SNAP47: variants seen among roughly 807,000 people sequenced by gnomAD.
SNAP47 encodes the protein synaptosomal-associated protein 47.
In SNAP47, 20 loss-of-function variants were observed where a neutral mutation model predicts 31.4. The observed-to-expected ratio is 0.64, with a 90% CI of 0.45 to 0.93. SNAP47 has a LOEUF of 0.93. SNAP47 is among the 40% of genes least tolerant of loss of function. SNAP47 has a pLI of 0.00. For synonymous variants in SNAP47, 194 were observed against 213.4 expected, an observed-to-expected ratio of 0.91 and a Z score of 0.79; for missense variants, 492 against 528.5, an observed-to-expected ratio of 0.93 and a Z score of 0.68.
chr1:227,757,445 C>G (rs1225952562), intron 2 of SNAP47, among the ~76,000 whole-genome samples: 1 of 152,230 alleles, frequency 6.6e-6, no homozygotes, highest in East Asian at 1.9e-4. Context: ...GGAGTGCTCA[C>G]TCATCTACCT....
intron 4 of SNAP47, among the ~76,000 whole-genome samples, chr1:227,780,095 A>G (rs1023426740): frequency 3.9e-5 from 6 of 152,184 alleles, no homozygotes; most frequent in African/African-American, 1.4e-4. Context: ...ACATGCAGAC[A>G]GGTCTCACCC....
Position 227,757,041 on chromosome 1 carries a change from C to T in SNAP47, c.498-1954C>T, listed in dbSNP as rs1459588228. 2.0e-5 allele frequency among the ~76,000 whole-genome samples: 3 copies of T among 151,152 alleles called. No homozygotes were observed. The East Asian group carries it at 5.8e-4, about 29-fold the overall frequency. On this transcript the variant is annotated intron_variant, in intron 2 of 4. Transcript: ENST00000617596. ...GAGGGACGTCTCAGATGTGGAAGTT[C>T]AATTCCCTTAGTCTCTCTAGGAATT...
intron 3 of SNAP47, among the ~76,000 whole-genome samples, chr1:227,761,140 T>A (rs1280619747): frequency 6.6e-6 from 1 of 152,250 alleles, no homozygotes; most frequent in Non-Finnish European, 1.5e-5. Flanking sequence ...GGATTTTAAA[T>A]GCCAGGTGTC....
chr1:227,760,588 G>A (rs567708359), intron 3 of SNAP47, among the ~76,000 whole-genome samples: 96 of 152,344 alleles, frequency 6.3e-4, no homozygotes, highest in Middle Eastern at 3.4e-3. Flanking sequence ...GCACAGGACC[G>A]AGGCTTATGT....
rs115599181 is a variant in SNAP47, at chr1:227,751,383, C to G, written c.497+3150C>G. 8.9e-3 allele frequency among the ~76,000 whole-genome samples: 1,353 copies of G among 152,324 alleles called. 16 individuals are homozygous for G. Among genetic ancestry groups the G allele is most frequent in the African/African-American group, 0.031 (1,276 of 41,570 alleles). On this transcript the variant is annotated intron_variant, in intron 2 of 4. Coordinates refer to ENST00000617596, the MANE Select transcript of SNAP47 (RefSeq NM_053052.4). Reference sequence around the variant, plus strand: ...GTGCACTCTCAGCTGATCCTCAGCACCCCCATTCTTGTGTGCTGAGGAGCA... The same window carrying G: ...GTGCACTCTCAGCTGATCCTCAGCAGCCCCATTCTTGTGTGCTGAGGAGCA...
chr1:227,739,282 C>G (rs1241975793), intron 1 of SNAP47, among the ~76,000 whole-genome samples: 6 of 152,220 alleles, frequency 3.9e-5, no homozygotes, highest in Non-Finnish European at 7.3e-5. Flanking sequence ...ACCTCAGCCT[C>G]CCAGAGTGCT....
chr1:227,774,700 A>G (rs1268267999), intron 4 of SNAP47, among the ~76,000 whole-genome samples: 1 of 152,174 alleles, frequency 6.6e-6, no homozygotes, highest in Non-Finnish European at 1.5e-5. Context: ...GCTGTGGCCA[A>G]CCTCTTGAAA....
intron 4 of SNAP47, among the ~76,000 whole-genome samples, chr1:227,775,348 A>G (rs938455114): frequency 6.6e-6 from 1 of 152,152 alleles, no homozygotes; most frequent in African/African-American, 2.4e-5. Flanking sequence ...ATGGTTGCTA[A>G]TTTCTCACTG....
chr1:227,771,937 C>A (rs1479842316), intron 4 of SNAP47, among the ~76,000 whole-genome samples: 3 of 152,146 alleles, frequency 2.0e-5, no homozygotes, highest in African/African-American at 7.2e-5. Context: ...GGGCCGGAGG[C>A]CAGCACCTGA....
At chr1:227,736,624 C>T (rs1428648355) in intron 1 of SNAP47, 1 of 141,660 alleles carries the variant, frequency 7.1e-6, no homozygotes. Flanking sequence ...TTCAGCCTCC[C>T]AAGTAGCTGG....
intron 1 of SNAP47, among the ~76,000 whole-genome samples, chr1:227,742,022 TTTTTA>T (rs1223068117): frequency 1.3e-5 from 2 of 151,834 alleles, no homozygotes; most frequent in Non-Finnish European, 1.5e-5. Flanking sequence ...TTTTTTTCTT[TTTTTA>T]TTTTATTTTA....
At chr1:227,732,922 C>A, upstream of SNAP47, 1 of 1,613,044 alleles carries the variant, frequency 6.2e-7, no homozygotes, top group Non-Finnish European at 8.5e-7. Flanking sequence ...TCCCTCCACT[C>A]GCTGACCTCC....
rs562966900 is a variant in SNAP47 at position 227,771,102 on chromosome 1, A to T, written c.1113+4019A>T. On this transcript the variant is annotated intron_variant, in intron 4 of 4. Coordinates refer to ENST00000617596, the MANE Select transcript of SNAP47 (RefSeq NM_053052.4). ...CAGGCAGGAGTGGGCCTTGCTTGTG[A>T]GTGAGGAGGGGTGGGGAGGCCAGGC... Among the ~76,000 whole-genome samples, 3 of 152,172 alleles carry T rather than the reference A, an allele frequency of 2.0e-5. No individual in the cohort carries two copies. In the South Asian group the frequency reaches 6.2e-4, roughly 32 times the overall value.
In SNAP47 at chr1:227,772,860, C is replaced by T. The variant is rs137888405; in HGVS notation, c.1113+5777C>T. 3.7e-3 allele frequency among the ~76,000 whole-genome samples: 558 copies of T among 152,288 alleles called. 12 individuals are homozygous for T. Among genetic ancestry groups the T allele is most frequent in the Admixed American group, 0.033 (502 of 15,298 alleles). On this transcript the variant is annotated intron_variant, in intron 4 of 4. Coordinates refer to ENST00000617596, the MANE Select transcript of SNAP47 (RefSeq NM_053052.4). ...GGTCTTGACACCCTTGTTGAAAATCCGTTAGCCATAGATAATATGAGTTTA... is the reference window on the plus strand; with the variant it reads ...GGTCTTGACACCCTTGTTGAAAATCTGTTAGCCATAGATAATATGAGTTTA...
chr1:227,779,288 A>C (rs545783202), intron 4 of SNAP47, among the ~76,000 whole-genome samples: 2 of 152,186 alleles, frequency 1.3e-5, no homozygotes, highest in South Asian at 4.1e-4. Context: ...CCTGAATCCC[A>C]AGCTGCATGT....
chr1:227,743,453 C>T (rs527988294), intron 1 of SNAP47, among the ~76,000 whole-genome samples: 4 of 152,336 alleles, frequency 2.6e-5, no homozygotes, highest in Admixed American at 2.6e-4. Flanking sequence ...CTCCAGCCTC[C>T]CTGAGCCCCG....
At chr1:227,746,520 G>T (rs1422875618) in intron 1 of SNAP47, 1 of 152,272 alleles carries the variant, frequency 6.6e-6, no homozygotes, top group Non-Finnish European at 1.5e-5. Context: ...GTCCAGTGCA[G>T]CAGTTACATG....
rs557992825 is a variant in SNAP47 at position 227,776,020 on chromosome 1, C to T, written c.1114-4507C>T. 18 of 1,210,530 alleles carry T rather than the reference C, an allele frequency of 1.5e-5. No homozygotes were observed. The East Asian group carries it at 1.0e-3, about 70-fold the overall frequency. 75.0% of individuals were successfully genotyped at this position (1,210,530 alleles called of 1,614,324 possible). A position where few individuals can be genotyped will look rare whatever the true frequency, so the allele number is the denominator to read the frequency against. ...TGGCTTTGGTGCTATCCTGGGGGAC[C>T]ATGGCCATAAGCTGGCAGTGTCAGC... On this transcript the variant is annotated intron_variant, in intron 4 of 4. Coordinates refer to ENST00000617596, the MANE Select transcript of SNAP47 (RefSeq NM_053052.4).
At chr1:227,747,245 G>A (rs565440596) in intron 1 of SNAP47, 1 of 158,754 alleles carries the variant, frequency 6.3e-6, no homozygotes, top group South Asian at 2.0e-4. Flanking sequence ...GAACATTATG[G>A]CCAAAAGACA....
Sources: gnomAD v4.1 joint callset for allele counts (sites outside exome capture counted in the v4.1 genomes callset) on GRCh38, gnomAD v4.1.1 for gene constraint, MANE v1.5 for transcripts, NCBI Gene and HGNC (gene_info 2026-07-23, HGNC 2026-07-21) for gene names.